ZFYVE16: variants seen among roughly 807,000 people sequenced by gnomAD.
The protein encoded by ZFYVE16 is zinc finger FYVE domain-containing protein 16.
Under a neutral mutation model 138.1 loss-of-function variants are expected in ZFYVE16, and 89 were observed. The ratio of observed to expected loss-of-function variants is 0.64; its 90% confidence interval spans 0.54 to 0.77. The LOEUF is 0.77. Ranked by LOEUF, ZFYVE16 falls within the 30% of genes least tolerant of loss-of-function variation. ZFYVE16 has a pLI of 0.00. For synonymous variants in ZFYVE16, 596 were observed against 618.3 expected (o/e 0.96, Z 0.53); for missense variants, 1,793 against 1,786.7 (o/e 1.00, Z -0.06).
Position 80,480,110 on chromosome 5 carries a change from A to G in ZFYVE16, c.*2733A>G, listed in dbSNP as rs1212328782. ...TAGTAACACATAGTAAAAAGTAGTC[A>G]TATAAGGAAACTAGATTCCAGAGGC... On this transcript the variant is annotated 3_prime_UTR_variant, in exon 19 of 19. Transcript: ENST00000505560. 1.3e-5 allele frequency among the ~76,000 whole-genome samples: 2 copies of G among 149,818 alleles called. No homozygotes were observed. The highest frequency in any genetic ancestry group is 5.1e-5 in the African/African-American group (2 of 39,190).
At chr5:80,417,983 T>TA (rs943893023) in intron 1 of ZFYVE16, among the ~76,000 whole-genome samples, 9 of 152,336 alleles carry the variant, frequency 5.9e-5, no homozygotes, top group African/African-American at 2.2e-4. Flanking sequence ...AGTGACATTC[T>TA]AGTAGATGTG....
At chr5:80,414,963 G>T (rs1310856393) in intron 1 of ZFYVE16, among the ~76,000 whole-genome samples, 3 of 152,178 alleles carry the variant, frequency 2.0e-5, no homozygotes, top group African/African-American at 7.2e-5. Flanking sequence ...TCATTCATGT[G>T]TTGGGCCCCA....
In ZFYVE16 at chr5:80,449,685, TCTA is replaced by T; in HGVS notation, c.3201_3203del (p.Leu1068del). The T allele has an allele frequency of 8.1e-6, 13 of 1,605,106 alleles. No homozygotes were observed. Among genetic ancestry groups the T allele is most frequent in the Non-Finnish European group, 1.1e-5 (13 of 1,176,710 alleles). ...CTGTTACATTTGTCCTAAATGCTAATCTACTCGTGAATGTCAAATTCATATTTT... is the reference window on the plus strand; with the variant it reads ...CTGTTACATTTGTCCTAAATGCTAATCTCGTGAATGTCAAATTCATATTTT... On this transcript the variant is annotated inframe_deletion, in exon 9 of 19. Transcript: ENST00000505560.
chr5:80,448,535 T>A, intron 8 of ZFYVE16, 131 bp downstream of exon 8: 1 of 861,174 alleles, frequency 1.2e-6, no homozygotes, highest in East Asian at 3.2e-5. Context: ...AACTTTTGTT[T>A]ACAGAAAGTC....
intron 2 of ZFYVE16, among the ~76,000 whole-genome samples, chr5:80,430,826 C>T (rs1294989819): frequency 1.3e-5 from 2 of 152,202 alleles, no homozygotes; most frequent in Non-Finnish European, 2.9e-5. Flanking sequence ...CACAAATAAA[C>T]TAGGAAATCT....
chr5:80,475,802 CA>C (rs1365622582), intron 18 of ZFYVE16, among the ~76,000 whole-genome samples: 1 of 152,176 alleles, frequency 6.6e-6, no homozygotes, highest in Admixed American at 6.5e-5. Context: ...TTTGCTTTTA[CA>C]TAAGCGTAAG....
Position 80,481,053 on chromosome 5 carries a change from T to G in ZFYVE16, c.*3676T>G, listed in dbSNP as rs1464548524. Reference sequence around the variant, plus strand: ...GGGACAAAACCCTTTTTAATTTAATTGCAGTATTCTAAGAGAGCCTCAGGA... The same window carrying G: ...GGGACAAAACCCTTTTTAATTTAATGGCAGTATTCTAAGAGAGCCTCAGGA... On this transcript the variant is annotated 3_prime_UTR_variant, in exon 19 of 19. Transcript: ENST00000505560. Among the ~76,000 whole-genome samples, 1 of 152,142 alleles carries G rather than the reference T, an allele frequency of 6.6e-6. No individual in the cohort carries two copies. The highest frequency in any genetic ancestry group is 2.4e-5 in the African/African-American group (1 of 41,420).
chr5:80,444,385 A>G (rs1751065716), intron 6 of ZFYVE16, among the ~76,000 whole-genome samples: 1 of 151,980 alleles, frequency 6.6e-6, no homozygotes, highest in East Asian at 1.9e-4. Context: ...AAAAATATGT[A>G]TATATAATTC....
intron 15 of ZFYVE16, among the ~76,000 whole-genome samples, chr5:80,471,754 T>C (rs1483367248): frequency 1.3e-5 from 2 of 152,200 alleles, no homozygotes; most frequent in Non-Finnish European, 2.9e-5. Flanking sequence ...AGATTCTAAG[T>C]ACATTTTGCT....
Position 80,438,995 on chromosome 5 carries a change from A to T in ZFYVE16, c.2310A>T (p.Arg770=), listed in dbSNP as rs755604800. ...FTFTKRRHHC[R]ACGKVFCGVC... ...TTACCAAACGGCGACACCATTGCCG[A>T]GCATGTGGGAAAGTAAGTTATAAAA... The change falls in exon 4 of 19, where the codon CGA becomes CGT. Residue 770 remains arginine (R), a synonymous_variant. Coordinates refer to ENST00000505560, the MANE Select transcript of ZFYVE16 (RefSeq NM_001284236.3). 6.2e-7 allele frequency: 1 copy of T among 1,602,364 alleles called. No homozygotes were observed. Among genetic ancestry groups the T allele is most frequent in the Non-Finnish European group, 8.5e-7 (1 of 1,174,538 alleles).
chr5:80,437,089 A>G lies in ZFYVE16; in HGVS notation c.404A>G (p.Asn135Ser), dbSNP rs139167759. 1.1e-3 allele frequency: 1,835 copies of G among 1,614,172 alleles called. 16 individuals carry two copies. The African/African-American group carries it at 0.021, about 18-fold the overall frequency. The change falls in exon 4 of 19, where the codon AAC (asparagine) becomes AGC (serine). Residue 135 changes from asparagine to serine, a missense_variant. Transcript: ENST00000505560. ...TGTGATCTGATAAGTGACATGGGTA[A>G]CTTAGTTCATGCAACCAATAGTGAA... ...PICDLISDMG[N>S]LVHATNSEED...
At chr5:80,474,916 A>G (rs763438083) in intron 18 of ZFYVE16, 86 bp downstream of exon 18, 42 of 1,423,868 alleles carry the variant, frequency 2.9e-5, no homozygotes, top group Non-Finnish European at 4.0e-5. Context: ...TTGGGATGAA[A>G]GGGAACGAAA....
intron 1 of ZFYVE16, among the ~76,000 whole-genome samples, chr5:80,421,630 C>T (rs1747193767): frequency 1.3e-5 from 2 of 152,128 alleles, no homozygotes; most frequent in African/African-American, 4.8e-5. Context: ...TTTCTGAGGG[C>T]TCTGTTCTGT....
At chr5:80,432,117 G>T (rs139954839) in intron 2 of ZFYVE16, among the ~76,000 whole-genome samples, 1 of 152,092 alleles carries the variant, frequency 6.6e-6, no homozygotes, top group African/African-American at 2.4e-5. Flanking sequence ...AAAAGGGCCC[G>T]CATTGCCAAG....
rs529768209 is a variant in ZFYVE16 at position 80,459,620 on chromosome 5, AATC to A, written c.4024+131_4024+133del. On this transcript the variant is annotated intron_variant, in intron 15 of 18. Coordinates refer to ENST00000505560, the MANE Select transcript of ZFYVE16 (RefSeq NM_001284236.3). ...AGCACAGTACCACAAACTTACATGA[AATC>A]ATCAACCAGCACAAGAAGTAGAAGA... The A allele has an allele frequency of 1.8e-3, 1,282 of 723,166 alleles. 12 individuals carry two copies. In the African/African-American group the frequency reaches 0.02, roughly 11 times the overall value. The allele number at this position is 723,166 out of a possible 1,614,324, so 44.8% of individuals were successfully genotyped here. A position where few individuals can be genotyped will look rare whatever the true frequency, so the allele number is the denominator to read the frequency against.
chr5:80,473,675 C>A, intron 16 of ZFYVE16, 79 bp from the exon 17 acceptor site: 2 of 984,008 alleles, frequency 2.0e-6, no homozygotes, highest in Non-Finnish European at 2.9e-6. Context: ...TTCCCTCATT[C>A]CATTTGTTCA....
chr5:80,462,581 C>T (rs192809060), intron 15 of ZFYVE16, among the ~76,000 whole-genome samples: 1 of 152,136 alleles, frequency 6.6e-6, no homozygotes, highest in Non-Finnish European at 1.5e-5. Context: ...CTAACTATAT[C>T]ATTCCTCCCC....
At chr5:80,476,157 C>T (rs115443543) in intron 18 of ZFYVE16, among the ~76,000 whole-genome samples, 4,924 of 152,166 alleles carry the variant, frequency 0.032, 98 homozygotes, top group South Asian at 0.046. Context: ...TTGGCTGGAC[C>T]GGTCTTGAAC....
intron 5 of ZFYVE16, chr5:80,440,272 C>A (rs1750516948): frequency 9.6e-6 from 11 of 1,143,524 alleles, no homozygotes; most frequent in Non-Finnish European, 1.2e-5. Flanking sequence ...TAACTTTTAA[C>A]AGGTACCAAG....
Sources: gnomAD v4.1 joint callset for allele counts (sites outside exome capture counted in the v4.1 genomes callset) on GRCh38, gnomAD v4.1.1 for gene constraint, MANE v1.5 for transcripts, NCBI Gene and HGNC (gene_info 2026-07-23, HGNC 2026-07-21) for gene names.